The following BSN variants were observed in gnomAD, a reference collection of about 807,000 sequenced individuals.
BSN encodes the protein protein bassoon.
BSN carries 57 observed loss-of-function variants against 264.8 expected under a neutral mutation model. The observed-to-expected ratio is 0.22, with a 90% CI of 0.17 to 0.27. The LOEUF is 0.27. Ranked by LOEUF, BSN falls within the 10% of genes least tolerant of loss-of-function variation. The probability of loss-of-function intolerance (pLI) is 1.00; values close to 1 mark genes in which losing one functional copy is unlikely to be tolerated. For synonymous variants in BSN, 2,059 were observed against 2,137.3 expected (o/e 0.96, Z 1.01); for missense variants, 4,615 against 5,232.5 (o/e 0.88, Z 3.64).
chr3:49,664,913 G>T, intron 10 of BSN, 60 bp downstream of exon 10: 1 of 1,347,318 alleles, frequency 7.4e-7, no homozygotes, highest in South Asian at 1.2e-5. Flanking sequence ...ACTGGGGGTG[G>T]GGGTGGGGCT....
intron 1 of BSN, among the ~76,000 whole-genome samples, chr3:49,571,171 T>A (rs188549577): frequency 1.4e-3 from 216 of 152,302 alleles, no homozygotes; most frequent in Non-Finnish European, 2.3e-3. Flanking sequence ...GCTTTTTTTT[T>A]AATTCTGTGT....
At chr3:49,587,985 A>G (rs749376460) in intron 1 of BSN, among the ~76,000 whole-genome samples, 38 of 145,624 alleles carry the variant, frequency 2.6e-4, no homozygotes, top group Non-Finnish European at 5.1e-4. Context: ...GCAGTGGCGC[A>G]ATCTCGGCTA....
rs1459432853 is a variant in BSN at position 49,656,217 on chromosome 3, C to T, written c.6661C>T (p.Arg2221Cys). 6 of 1,609,750 alleles carry T rather than the reference C, an allele frequency of 3.7e-6. No homozygotes were observed. Among genetic ancestry groups the T allele is most frequent in the Admixed American group, 1.7e-5 (1 of 59,778 alleles). The change falls in exon 5 of 12, where the codon CGT becomes TGT. Residue 2221 changes from arginine to cysteine, a missense_variant. Around this residue, in one of 3 missense-constraint regions of BSN, gnomAD observed 3,415 missense variants for 3,866.4 expected, o/e 0.88. Transcript: ENST00000296452. ...TGCCTCAGTCCTGCGGCCCATGGTG[C>T]GTGGTGGCATGTACAGGCCTTACGC... ...QPASVLRPMV[R>C]GGMYRPYASG...
rs879874098 is a variant in BSN, at chr3:49,651,047, G to A, written c.1954G>A (p.Val652Ile). 2 of 1,612,734 alleles carry A rather than the reference G, an allele frequency of 1.2e-6. No individual in the cohort carries two copies. The highest frequency in any genetic ancestry group is 2.2e-5 in the East Asian group (1 of 44,884). ...ACCTGCCACCCCTGTCGTCAAGGCT[G>A]TTCCAGAAGCCCCCAAGGGTGGGGA... ...AEPATPVVKA[V>I]PEAPKGGEAE... The change falls in exon 4 of 12, where the codon GTT (valine) becomes ATT (isoleucine). Residue 652 changes from valine (V) to isoleucine (I), a missense_variant. This residue lies in a region of BSN where 1,197 missense variants were observed against 1,348.0 expected (regional missense o/e 0.89). Coordinates refer to ENST00000296452, the MANE Select transcript of BSN (RefSeq NM_003458.4). The surrounding 1 kb of genome is among the most constrained non-coding windows in gnomAD (Gnocchi z 5.4).
At chr3:49,589,631 C>A (rs1478613380) in intron 1 of BSN, among the ~76,000 whole-genome samples, 1 of 146,088 alleles carries the variant, frequency 6.8e-6, no homozygotes, top group Non-Finnish European at 1.5e-5. Flanking sequence ...CTCAGCCTCC[C>A]AAGTAGCTGT....
At chr3:49,614,069 T>C (rs2052236264) in intron 1 of BSN, among the ~76,000 whole-genome samples, 1 of 145,408 alleles carries the variant, frequency 6.9e-6, no homozygotes. Context: ...TTTTTTTTTT[T>C]TTTTTTGTGA....
intron 11 of BSN, among the ~76,000 whole-genome samples, chr3:49,665,989 G>A (rs1389252376): frequency 2.0e-5 from 3 of 152,270 alleles, no homozygotes; most frequent in Non-Finnish European, 4.4e-5. Flanking sequence ...CCTGGCCCTG[G>A]CCTTGGCCCT....
chr3:49,618,452 C>T (rs894937081), intron 1 of BSN, among the ~76,000 whole-genome samples: 7 of 152,196 alleles, frequency 4.6e-5, no homozygotes, highest in African/African-American at 1.7e-4. Flanking sequence ...TTTCCTACCT[C>T]ATCATCTTCT....
At chr3:49,578,339 A>T (rs1192916662) in intron 1 of BSN, among the ~76,000 whole-genome samples, 3 of 152,074 alleles carry the variant, frequency 2.0e-5, no homozygotes, top group African/African-American at 7.2e-5. Flanking sequence ...CACTTACCAT[A>T]GAATTCACTC....
In BSN at chr3:49,662,303, A is replaced by G. The variant is rs780484521; in HGVS notation, c.10458A>G (p.Leu3486=). ...LQKAGPKPSS[L]SMAHSRVRPP... ...AAGCGGGCCCCAAGCCCTCATCCCTAAGTATGGCCCACAGCCGGGTACGAC... is the reference window on the plus strand; with the variant it reads ...AAGCGGGCCCCAAGCCCTCATCCCTGAGTATGGCCCACAGCCGGGTACGAC... The change falls in exon 6 of 12, where the codon CTA becomes CTG. Residue 3486 remains leucine (L), a synonymous_variant. Coordinates refer to ENST00000296452, the MANE Select transcript of BSN (RefSeq NM_003458.4). 1.2e-6 allele frequency: 2 copies of G among 1,613,838 alleles called. No homozygotes were observed. Among genetic ancestry groups the G allele is most frequent in the Non-Finnish European group, 1.7e-6 (2 of 1,179,908 alleles).
intron 3 of BSN, among the ~76,000 whole-genome samples, chr3:49,643,699 G>A (rs1359608097): frequency 5.9e-5 from 9 of 152,324 alleles, no homozygotes; most frequent in East Asian, 3.9e-4. Flanking sequence ...AAGTGTTGAC[G>A]TCTACTTGTC....
chr3:49,594,662 C>A (rs1173855500), intron 1 of BSN, among the ~76,000 whole-genome samples: 1 of 152,062 alleles, frequency 6.6e-6, no homozygotes, highest in Non-Finnish European at 1.5e-5. Flanking sequence ...ATTCCAGGGT[C>A]CATGCCTTTC....
At chr3:49,564,555 A>G (rs1011811859) in intron 1 of BSN, among the ~76,000 whole-genome samples, 2 of 152,152 alleles carry the variant, frequency 1.3e-5, no homozygotes, top group African/African-American at 4.8e-5. Context: ...CTGTGAGCCT[A>G]CTTTCTAAAC....
chr3:49,662,883 C>G lies in BSN; in HGVS notation c.10725C>G (p.His3575Gln). 1 of 1,573,108 alleles carries G rather than the reference C, an allele frequency of 6.4e-7. No homozygotes were observed. The highest frequency in any genetic ancestry group is 8.6e-7 in the Non-Finnish European group (1 of 1,159,438). ...TGTTTTTGGTCTCTGAAGCGTATCA[C>G]CTGGGCCAGGAGGAGACGGACTGGT... ...HCVVSDSEAY[H>Q]LGQEETDWFD... Residue 3575 changes from histidine to glutamine, a missense_variant, in exon 7 of 12, where the codon CAC (histidine) becomes CAG (glutamine). His to Gln is a conservative substitution (Grantham distance 24). Transcript: ENST00000296452.
intron 1 of BSN, among the ~76,000 whole-genome samples, chr3:49,574,335 A>T (rs1002180531): frequency 1.3e-5 from 2 of 152,114 alleles, no homozygotes; most frequent in Admixed American, 6.5e-5. Context: ...AGGAGTCATC[A>T]GGACTAGAGG....
intron 2 of BSN, among the ~76,000 whole-genome samples, chr3:49,630,804 G>C (rs945738624): frequency 7.9e-5 from 12 of 152,166 alleles, no homozygotes; most frequent in Non-Finnish European, 1.3e-4. Context: ...AGTAGGAGTT[G>C]GAAGAAGTGG....
intron 2 of BSN, among the ~76,000 whole-genome samples, chr3:49,641,425 G>A (rs543227630): frequency 6.6e-6 from 1 of 152,180 alleles, no homozygotes; most frequent in African/African-American, 2.4e-5. Flanking sequence ...GGCTCTAACC[G>A]ACTCTGTTTG....
chr3:49,584,281 A>C (rs1452559819), intron 1 of BSN, among the ~76,000 whole-genome samples: 2 of 40,058 alleles, frequency 5.0e-5, no homozygotes, highest in Non-Finnish European at 9.3e-5. Context: ...AAGAAGGCTT[A>C]TTGATTTTTT....
intron 1 of BSN, among the ~76,000 whole-genome samples, chr3:49,602,724 C>T (rs1409215424): frequency 2.0e-5 from 3 of 152,176 alleles, no homozygotes; most frequent in East Asian, 1.9e-4. Flanking sequence ...GGATTACAGG[C>T]GTGAGCCACT....
Sources: allele counts gnomAD v4.1 joint callset (sites outside exome capture counted in the v4.1 genomes callset), GRCh38; gene constraint gnomAD v4.1.1; regional missense constraint gnomAD v4.1.1; non-coding constraint Gnocchi (gnomAD v3.1); transcripts MANE v1.5; gene names NCBI Gene and HGNC (gene_info 2026-07-23, HGNC 2026-07-21).